Variants in TDRD3 observed in about 807,000 individuals in gnomAD.
TDRD3 encodes the protein tudor domain containing 3.
In TDRD3, 45 loss-of-function variants were observed where a neutral mutation model predicts 86.7. The ratio of observed to expected loss-of-function variants is 0.52; its 90% CI spans 0.41 to 0.67. The LOEUF is 0.67. TDRD3 is among the 30% of genes least tolerant of loss of function. The pLI, the probability that TDRD3 is intolerant of heterozygous loss-of-function variation, is 0.00. For synonymous variants in TDRD3, 298 were observed against 301.7 expected (o/e 0.99, Z 0.13); for missense variants, 814 against 889.0 (o/e 0.92, Z 1.07).
intron 10 of TDRD3, among the ~76,000 whole-genome samples, chr13:60,525,919 G>C (rs1957420950): frequency 6.6e-6 from 1 of 152,186 alleles, no homozygotes; most frequent in Admixed American, 6.5e-5. Flanking sequence ...CTCCAGTATA[G>C]TTCCATAGAC....
intron 10 of TDRD3, among the ~76,000 whole-genome samples, chr13:60,520,240 C>G (rs1957260722): frequency 6.6e-6 from 1 of 152,030 alleles, no homozygotes; most frequent in African/African-American, 2.4e-5. Context: ...AGAAAAATAC[C>G]ATGCCAGATT....
At chr13:60,455,232 C>T (rs902282660) in intron 3 of TDRD3, among the ~76,000 whole-genome samples, 4 of 151,976 alleles carry the variant, frequency 2.6e-5, no homozygotes, top group Non-Finnish European at 5.9e-5. Context: ...TTATTAAAGT[C>T]AAATTGTGTT....
intron 7 of TDRD3, among the ~76,000 whole-genome samples, chr13:60,488,022 G>T (rs1956486089): frequency 6.6e-6 from 1 of 152,078 alleles, no homozygotes; most frequent in Non-Finnish European, 1.5e-5. Context: ...TTTCCCTGAT[G>T]ATGTTACTGA....
intron 1 of TDRD3, among the ~76,000 whole-genome samples, chr13:60,437,222 G>A (rs553755795): frequency 6.8e-6 from 1 of 148,084 alleles, no homozygotes; most frequent in East Asian, 2.0e-4. Flanking sequence ...TGCCTCCCGG[G>A]TTCAAGCAAT....
At chr13:60,560,075 G>A (rs766859888) in intron 12 of TDRD3, among the ~76,000 whole-genome samples, 1 of 152,092 alleles carries the variant, frequency 6.6e-6, no homozygotes, top group African/African-American at 2.4e-5. Flanking sequence ...AACATTGACT[G>A]TAGAAAAAAG....
chr13:60,462,671 T>A (rs551925784), intron 4 of TDRD3, among the ~76,000 whole-genome samples: 23 of 151,818 alleles, frequency 1.5e-4, no homozygotes, highest in African/African-American at 5.1e-4. Flanking sequence ...CTTGCTAGTT[T>A]TTATTATTAT....
chr13:60,514,485 T>G (rs893825295), intron 10 of TDRD3, among the ~76,000 whole-genome samples: 1 of 152,202 alleles, frequency 6.6e-6, no homozygotes, highest in Non-Finnish European at 1.5e-5. Context: ...AGCAAAATTT[T>G]TAATCTCTCC....
intron 10 of TDRD3, among the ~76,000 whole-genome samples, chr13:60,519,258 T>TA (rs1470434889): frequency 2.0e-5 from 3 of 152,324 alleles, no homozygotes; most frequent in Middle Eastern, 3.4e-3. Context: ...GTGCCAGGAC[T>TA]ATGCTAGGTG....
chr13:60,496,288 CATAT>C (rs56211733), intron 8 of TDRD3, among the ~76,000 whole-genome samples: 173 of 61,046 alleles, frequency 2.8e-3, no homozygotes, highest in Admixed American at 3.8e-3. Context: ...AACAAACTCC[CATAT>C]ATATATATAT....
chr13:60,400,268 C>T (rs746443311), intron 1 of TDRD3, among the ~76,000 whole-genome samples: 2 of 152,162 alleles, frequency 1.3e-5, no homozygotes, highest in Non-Finnish European at 2.9e-5. Context: ...GTTCATTCTC[C>T]TTTAGGATGA....
At chr13:60,426,653 TAGAA>T (rs1042719762) in intron 1 of TDRD3, among the ~76,000 whole-genome samples, 1 of 152,272 alleles carries the variant, frequency 6.6e-6, no homozygotes, top group African/African-American at 2.4e-5. Context: ...CCATTAGAGT[TAGAA>T]AGCTTAAGCA....
At chr13:60,436,430 A>T (rs986650247) in intron 1 of TDRD3, among the ~76,000 whole-genome samples, 2 of 152,184 alleles carry the variant, frequency 1.3e-5, no homozygotes, top group African/African-American at 4.8e-5. Context: ...TCTTTGATCC[A>T]TCTTGAGTCG....
chr13:60,523,587 T>C (rs1851750397), intron 10 of TDRD3, among the ~76,000 whole-genome samples: 2 of 146,158 alleles, frequency 1.4e-5, no homozygotes, highest in South Asian at 4.4e-4. Flanking sequence ...TTTTTTTTTT[T>C]TTTTTTTGAG....
At chr13:60,490,578 T>C (rs1375074427) in intron 7 of TDRD3, among the ~76,000 whole-genome samples, 1 of 152,190 alleles carries the variant, frequency 6.6e-6, no homozygotes, top group Non-Finnish European at 1.5e-5. Context: ...AGCAATAACC[T>C]CAGCTGACCT....
intron 1 of TDRD3, among the ~76,000 whole-genome samples, chr13:60,420,576 A>C (rs903915402): frequency 6.6e-6 from 1 of 152,058 alleles, no homozygotes; most frequent in African/African-American, 2.4e-5. Context: ...TTTTATACAG[A>C]TATTCAGGTA....
intron 4 of TDRD3, among the ~76,000 whole-genome samples, chr13:60,464,022 AAG>A (rs1306249861): frequency 1.3e-5 from 2 of 152,124 alleles, no homozygotes; most frequent in Admixed American, 1.3e-4. Flanking sequence ...GGTTGTTAAA[AAG>A]AGCCTGGCAC....
chr13:60,440,398 A>AAATGT (rs1955233228), intron 2 of TDRD3, among the ~76,000 whole-genome samples: 1 of 151,932 alleles, frequency 6.6e-6, no homozygotes, highest in African/African-American at 2.4e-5. Context: ...ATGTAAGTAA[A>AAATGT]CAGGCTGGGC....
chr13:60,567,422 C>A, intron 12 of TDRD3, 103 bp from the exon 13 acceptor site: 1 of 1,443,810 alleles, frequency 6.9e-7, no homozygotes, highest in Non-Finnish European at 9.6e-7. Context: ...AATTCCAGGG[C>A]AGCTTAAGAG....
At chr13:60,561,450 G>T (rs1958331194) in intron 12 of TDRD3, among the ~76,000 whole-genome samples, 1 of 152,128 alleles carries the variant, frequency 6.6e-6, no homozygotes, top group African/African-American at 2.4e-5. Context: ...GGCTACAGAG[G>T]TTGAAGAAAG....
Sources: allele counts gnomAD v4.1 joint callset (sites outside exome capture counted in the v4.1 genomes callset), GRCh38; gene constraint gnomAD v4.1.1; transcripts MANE v1.5; gene names NCBI Gene and HGNC (gene_info 2026-07-23, HGNC 2026-07-21).